GBE1: variants seen among roughly 807,000 people sequenced by gnomAD.
GBE1 encodes the protein 1,4-alpha-glucan branching enzyme 1.
Under a neutral mutation model 88.8 loss-of-function variants are expected in GBE1, and 70 were observed. The ratio of observed to expected loss-of-function variants is 0.79; its 90% CI spans 0.65 to 0.96. GBE1 has a LOEUF of 0.96. GBE1 is among the 40% of genes least tolerant of loss of function. The pLI is 0.00. For synonymous variants in GBE1, 284 were observed against 300.1 expected (o/e 0.95, Z 0.56); for missense variants, 872 against 871.0 (o/e 1.00, Z -0.01).
chr3:81,637,500 T>C (rs1295312487), intron 7 of GBE1, among the ~76,000 whole-genome samples: 1 of 152,106 alleles, frequency 6.6e-6, no homozygotes, highest in East Asian at 1.9e-4. Context: ...TATTGAAAAA[T>C]GCAGCATAGT....
At chr3:81,630,805 T>C (rs1307509724) in intron 7 of GBE1, among the ~76,000 whole-genome samples, 1 of 152,184 alleles carries the variant, frequency 6.6e-6, no homozygotes, top group Non-Finnish European at 1.5e-5. Context: ...ACTTTAAACA[T>C]GTAATCAGTA....
At chr3:81,678,781 GA>G (rs1705297287) in intron 2 of GBE1, among the ~76,000 whole-genome samples, 1 of 151,666 alleles carries the variant, frequency 6.6e-6, no homozygotes, top group Non-Finnish European at 1.5e-5. Flanking sequence ...TTAAAAAGAA[GA>G]AAAAATAAGA....
At chr3:81,689,637 C>T (rs1459540527) in intron 2 of GBE1, among the ~76,000 whole-genome samples, 1 of 152,162 alleles carries the variant, frequency 6.6e-6, no homozygotes, top group African/African-American at 2.4e-5. Flanking sequence ...TCATCTCACA[C>T]ACAGCCTCCC....
intron 14 of GBE1, among the ~76,000 whole-genome samples, chr3:81,518,621 T>C (rs1226456987): frequency 2.0e-5 from 3 of 151,340 alleles, no homozygotes; most frequent in African/African-American, 4.8e-5. Context: ...ATCATAGGGA[T>C]TGTTAGACAG....
intron 1 of GBE1, among the ~76,000 whole-genome samples, chr3:81,735,286 C>G (rs1380841983): frequency 6.6e-6 from 1 of 152,182 alleles, no homozygotes; most frequent in Non-Finnish European, 1.5e-5. Context: ...ATGTTATATT[C>G]TCCACTGAGA....
chr3:81,716,494 T>TA (rs1705939373), intron 1 of GBE1, among the ~76,000 whole-genome samples: 1 of 152,102 alleles, frequency 6.6e-6, no homozygotes, highest in Admixed American at 6.6e-5. Context: ...CTAAATCCTA[T>TA]AAAATCAAGA....
At chr3:81,498,206 C>G (rs545145187) in intron 15 of GBE1, among the ~76,000 whole-genome samples, 1 of 152,180 alleles carries the variant, frequency 6.6e-6, no homozygotes, top group East Asian at 1.9e-4. Context: ...AATATGGCAG[C>G]TTACAAAGTG....
intron 1 of GBE1, among the ~76,000 whole-genome samples, chr3:81,719,107 G>A (rs568357795): frequency 5.9e-5 from 9 of 152,206 alleles, no homozygotes; most frequent in African/African-American, 2.2e-4. Flanking sequence ...TAAAATTGGT[G>A]GAAAACTCAC....
intron 14 of GBE1, among the ~76,000 whole-genome samples, chr3:81,510,450 GCTAAA>G (rs900333400): frequency 1.3e-5 from 2 of 152,032 alleles, no homozygotes; most frequent in Non-Finnish European, 2.9e-5. Flanking sequence ...AAGAACAGGG[GCTAAA>G]CTAGTGTCCC....
chr3:81,651,255 T>G (rs957156635), intron 3 of GBE1, among the ~76,000 whole-genome samples: 1 of 152,212 alleles, frequency 6.6e-6, no homozygotes, highest in Non-Finnish European at 1.5e-5. Flanking sequence ...TTACATAAGT[T>G]GCCAGAAGTC....
chr3:81,533,872 G>C (rs778878451), intron 14 of GBE1, among the ~76,000 whole-genome samples: 3 of 152,042 alleles, frequency 2.0e-5, no homozygotes, highest in Admixed American at 6.6e-5. Flanking sequence ...CTAATGATTA[G>C]TAACAGGTGC....
At chr3:81,548,376 T>A (rs1703234730) in intron 12 of GBE1, among the ~76,000 whole-genome samples, 1 of 151,472 alleles carries the variant, frequency 6.6e-6, no homozygotes, top group Non-Finnish European at 1.5e-5. Flanking sequence ...GAAATTTGGC[T>A]TATTTGGTAC....
intron 1 of GBE1, among the ~76,000 whole-genome samples, chr3:81,745,587 G>A (rs1193984449): frequency 4.0e-5 from 6 of 151,886 alleles, no homozygotes; most frequent in Non-Finnish European, 1.5e-5. Flanking sequence ...AAACTTGGTA[G>A]AGATCACTTT....
chr3:81,500,795 T>C (rs1702576190), intron 14 of GBE1, among the ~76,000 whole-genome samples: 3 of 152,226 alleles, frequency 2.0e-5, no homozygotes. Flanking sequence ...TGACACTGTA[T>C]TTCAAAGAAC....
At chr3:81,638,068 A>G (rs1254876254) in intron 7 of GBE1, among the ~76,000 whole-genome samples, 1 of 152,122 alleles carries the variant, frequency 6.6e-6, no homozygotes, top group Non-Finnish European at 1.5e-5. Flanking sequence ...TAACTTGTAG[A>G]AAATGCCCAC....
rs777291512 is a variant in GBE1, at chr3:81,591,125, A to T, written c.1148T>A (p.Leu383Gln). ...AGTCAAGGCATCTTCATCTACTTGT[A>T]GTCCGAAATATTCACTGTAATCACC... ...FSGDYSEYFG[L>Q]QVDEDALTYL... Residue 383 changes from leucine (L) to glutamine (Q), a missense_variant, in exon 9 of 16, where the codon CTA becomes CAA. Coordinates refer to ENST00000429644, the MANE Select transcript of GBE1 (RefSeq NM_000158.4). 3.1e-6 allele frequency: 5 copies of T among 1,607,274 alleles called. No homozygotes were observed. Among genetic ancestry groups the T allele is most frequent in the Non-Finnish European group, 3.4e-6 (4 of 1,176,092 alleles).
intron 5 of GBE1, 120 bp downstream of exon 5, chr3:81,648,736 G>A: frequency 2.0e-6 from 1 of 511,350 alleles, no homozygotes; most frequent in East Asian, 3.4e-5. Flanking sequence ...AAAATAAAAT[G>A]CCTTTCTATT....
chr3:81,556,530 G>A lies in GBE1; in HGVS notation c.1619-19435C>T, dbSNP rs564079737. On this transcript the variant is annotated intron_variant, in intron 12 of 15. Coordinates refer to ENST00000429644, the MANE Select transcript of GBE1 (RefSeq NM_000158.4). ...ACTTTTAATACTCCAAGTGACAGAT[G>A]TCAAGACTCATGAATATCTAAATAT... 4.6e-5 allele frequency among the ~76,000 whole-genome samples: 7 copies of A among 152,122 alleles called. No homozygotes were observed. The South Asian group carries it at 1.5e-3, about 32-fold the overall frequency.
chr3:81,705,524 A>G lies in GBE1; in HGVS notation c.233T>C (p.Val78Ala). Residue 78 changes from valine (V) to alanine (A), a missense_variant, in exon 2 of 16, where the codon GTC (valine) becomes GCC (alanine). By Grantham distance (64) the Val-to-Ala change is moderately conservative. Transcript: ENST00000429644. ...TAAACCACCATCAGCACATCTGTGG[A>G]CGCCAAATGATTCATAGCCTCTGGA... ...KFSRGYESFG[V>A]HRCADGGLYC... The G allele has an allele frequency of 1.2e-6, 2 of 1,602,288 alleles. No individual in the cohort carries two copies. The highest frequency in any genetic ancestry group is 1.7e-6 in the Non-Finnish European group (2 of 1,173,980).
Sources: gnomAD v4.1 joint callset for allele counts (sites outside exome capture counted in the v4.1 genomes callset) on GRCh38, gnomAD v4.1.1 for gene constraint, MANE v1.5 for transcripts, NCBI Gene and HGNC (gene_info 2026-07-23, HGNC 2026-07-21) for gene names.